The following DLG2 variants were observed in gnomAD, a reference collection of about 807,000 sequenced individuals.
The protein encoded by DLG2 is discs large MAGUK scaffold protein 2.
In DLG2, 45 loss-of-function variants were observed where a neutral mutation model predicts 132.5. The observed-to-expected ratio is 0.34, with a 90% CI of 0.27 to 0.44. The LOEUF (loss-of-function observed/expected upper bound fraction) is 0.44, where lower values mean the gene tolerates loss of function less well. Among genes scored for constraint, DLG2 ranks in the 20% least tolerant of loss-of-function variants. The pLI is 1.00. For synonymous variants in DLG2, 424 were observed against 419.6 expected, an observed-to-expected ratio of 1.01 and a Z score of -0.13; for missense variants, 1,045 against 1,196.9, an observed-to-expected ratio of 0.87 and a Z score of 1.87.
chr11:84,190,000 A>AG, intron 8 of DLG2, among the ~76,000 whole-genome samples: 1 of 152,064 alleles, frequency 6.6e-6, no homozygotes, highest in East Asian at 1.9e-4. Flanking sequence ...AGAAAAAAAA[A>AG]AAAGCTTGGA....
At chr11:83,593,512 G>A (rs1208533521) in intron 19 of DLG2, among the ~76,000 whole-genome samples, 3 of 151,856 alleles carry the variant, frequency 2.0e-5, no homozygotes, top group African/African-American at 7.3e-5. Context: ...GCGGAGGGGG[G>A]AGGGATAGCA....
intron 6 of DLG2, among the ~76,000 whole-genome samples, chr11:85,069,154 A>G (rs2065388502): frequency 6.6e-6 from 1 of 151,258 alleles, no homozygotes; most frequent in East Asian, 2.2e-4. Flanking sequence ...AATTAATTCA[A>G]GATGGATTAA....
intron 8 of DLG2, among the ~76,000 whole-genome samples, chr11:84,198,245 A>G (rs1016116153): frequency 6.6e-6 from 1 of 152,144 alleles, no homozygotes; most frequent in African/African-American, 2.4e-5. Flanking sequence ...GTGTATATTA[A>G]TCCCTGTTTT....
Position 83,572,490 on chromosome 11 carries a change from G to A in DLG2, c.1941-30632C>T, listed in dbSNP as rs117728823. Among the ~76,000 whole-genome samples the A allele has an allele frequency of 7.2e-4, 110 of 152,204 alleles. 2 individuals carry two copies. The East Asian group carries it at 0.018, about 25-fold the overall frequency. Reference sequence around the variant, plus strand: ...TTTCGAGGTCAGTGATAAAACCTAGGAGCTTCTAAGAAAAAAGTAAGATGA... The same window carrying A: ...TTTCGAGGTCAGTGATAAAACCTAGAAGCTTCTAAGAAAAAAGTAAGATGA... On this transcript the variant is annotated intron_variant, in intron 19 of 27. Coordinates refer to ENST00000376104, the MANE Select transcript of DLG2 (RefSeq NM_001142699.3).
At chr11:83,706,408 C>A (rs1434251091) in intron 18 of DLG2, among the ~76,000 whole-genome samples, 1 of 152,068 alleles carries the variant, frequency 6.6e-6, no homozygotes, top group Non-Finnish European at 1.5e-5. Flanking sequence ...TGAATGACCA[C>A]TTGGCAAAGA....
At chr11:83,654,012 G>A (rs982136800) in intron 18 of DLG2, among the ~76,000 whole-genome samples, 5 of 152,044 alleles carry the variant, frequency 3.3e-5, no homozygotes, top group Admixed American at 6.5e-5. Flanking sequence ...GAGCCACCGC[G>A]CCTGGCCAAG....
At chr11:84,679,626 T>G (rs1395788508) in intron 6 of DLG2, among the ~76,000 whole-genome samples, 1 of 152,100 alleles carries the variant, frequency 6.6e-6, no homozygotes, top group Non-Finnish European at 1.5e-5. Flanking sequence ...AAGTTGCCTA[T>G]AATAGTTACC....
chr11:84,674,049 G>A (rs1595482123), intron 6 of DLG2, among the ~76,000 whole-genome samples: 2 of 152,148 alleles, frequency 1.3e-5, no homozygotes, highest in African/African-American at 2.4e-5. Context: ...ACATAATGTA[G>A]GGGTAACTCT....
chr11:84,954,012 A>G (rs530746571), intron 6 of DLG2, among the ~76,000 whole-genome samples: 1 of 152,092 alleles, frequency 6.6e-6, no homozygotes, highest in South Asian at 2.1e-4. Context: ...CTTTACACGT[A>G]TCCTGTATGA....
intron 6 of DLG2, among the ~76,000 whole-genome samples, chr11:84,632,278 A>C: frequency 6.6e-6 from 1 of 152,006 alleles, no homozygotes; most frequent in Non-Finnish European, 1.5e-5. Context: ...TTTCCAAGAC[A>C]GAAGCAGACA....
At chr11:83,493,911 C>G (rs2094008215) in intron 21 of DLG2, among the ~76,000 whole-genome samples, 1 of 152,100 alleles carries the variant, frequency 6.6e-6, no homozygotes, top group Admixed American at 6.6e-5. Flanking sequence ...CCTGGAGAAG[C>G]TGAACAAATA....
intron 3 of DLG2, among the ~76,000 whole-genome samples, chr11:85,359,636 G>C (rs995550922): frequency 5.9e-5 from 9 of 152,108 alleles, no homozygotes; most frequent in African/African-American, 2.2e-4. Context: ...TGTTTAACAT[G>C]GTTGTAATTA....
In DLG2 at chr11:84,901,245, T is replaced by C. The variant is rs12278196; in HGVS notation, c.357+210416A>G. 3.9e-3 allele frequency among the ~76,000 whole-genome samples: 592 copies of C among 151,756 alleles called. 2 individuals carry two copies. The highest frequency in any genetic ancestry group is 0.014 in the African/African-American group (567 of 41,398). On this transcript the variant is annotated intron_variant, in intron 6 of 27. Coordinates refer to ENST00000376104, the MANE Select transcript of DLG2 (RefSeq NM_001142699.3). ...CAATCTTCAGTGGGAGCAACTAGAGTAGTAGTCATTGAGAATCTTCTTTTA... is the reference window on the plus strand; with the variant it reads ...CAATCTTCAGTGGGAGCAACTAGAGCAGTAGTCATTGAGAATCTTCTTTTA...
chr11:83,687,393 T>C (rs2079995022), intron 18 of DLG2, among the ~76,000 whole-genome samples: 1 of 152,144 alleles, frequency 6.6e-6, no homozygotes, highest in Admixed American at 6.6e-5. Flanking sequence ...TCTGTACCGC[T>C]TCAAAGTCTA....
At chr11:84,831,116 T>C (rs995456952) in intron 6 of DLG2, among the ~76,000 whole-genome samples, 7 of 151,494 alleles carry the variant, frequency 4.6e-5, no homozygotes, top group East Asian at 2.0e-4. Context: ...TGCACAGATA[T>C]AGAATTCTGA....
intron 11 of DLG2, among the ~76,000 whole-genome samples, chr11:84,046,623 CTCT>C (rs951030195): frequency 3.3e-5 from 5 of 151,472 alleles, no homozygotes; most frequent in Admixed American, 6.6e-5. Context: ...GTCATTTTTA[CTCT>C]TCTTTTTTCT....
intron 15 of DLG2, among the ~76,000 whole-genome samples, chr11:83,875,554 A>G (rs1215077526): frequency 6.6e-6 from 1 of 152,186 alleles, no homozygotes; most frequent in Non-Finnish European, 1.5e-5. Flanking sequence ...ATTCTTTAGA[A>G]AGAGATGGCA....
chr11:84,389,748 T>C (rs2098785513), intron 7 of DLG2, among the ~76,000 whole-genome samples: 1 of 152,140 alleles, frequency 6.6e-6, no homozygotes, highest in Non-Finnish European at 1.5e-5. Context: ...CATCTAGCCT[T>C]TGTCAACAGA....
At chr11:83,994,788 C>G (rs2093934329) in intron 11 of DLG2, among the ~76,000 whole-genome samples, 1 of 152,070 alleles carries the variant, frequency 6.6e-6, no homozygotes. Flanking sequence ...GGCTAGAAGA[C>G]CAAGATCAAG....
Sources: allele counts gnomAD v4.1 joint callset (sites outside exome capture counted in the v4.1 genomes callset), GRCh38; gene constraint gnomAD v4.1.1; transcripts MANE v1.5; gene names NCBI Gene and HGNC (gene_info 2026-07-23, HGNC 2026-07-21).